EYA3: variants seen among roughly 807,000 people sequenced by gnomAD.
EYA3 encodes EYA transcriptional coactivator and phosphatase 3.
Under a neutral mutation model 80.0 loss-of-function variants are expected in EYA3, and 39 were observed. The observed-to-expected ratio is 0.49, with a 90% CI of 0.38 to 0.64. EYA3 has a LOEUF of 0.64. Ranked by LOEUF, EYA3 falls within the 30% of genes least tolerant of loss-of-function variation. EYA3 has a pLI of 0.00. For synonymous variants in EYA3, 206 were observed against 232.8 expected (o/e 0.88, Z 1.05); for missense variants, 523 against 676.1 (o/e 0.77, Z 2.51).
intron 17 of EYA3, 21 bp downstream of exon 17, chr1:27,978,353 A>G (rs201363340): frequency 1.3e-6 from 2 of 1,581,240 alleles, no homozygotes; most frequent in Non-Finnish European, 1.7e-6. Flanking sequence ...CACATAGACT[A>G]TTTTTCTTTA....
At chr1:28,018,565 T>G (rs1490669144) in intron 7 of EYA3, among the ~76,000 whole-genome samples, 1 of 152,142 alleles carries the variant, frequency 6.6e-6, no homozygotes, top group East Asian at 1.9e-4. Flanking sequence ...TAAGAAAACT[T>G]CCATTGAGAA....
intron 7 of EYA3, among the ~76,000 whole-genome samples, chr1:28,023,578 C>T (rs1274445656): frequency 1.3e-5 from 2 of 152,174 alleles, no homozygotes; most frequent in African/African-American, 2.4e-5. Context: ...GATAAATTCT[C>T]TAAGAGTGGG....
intron 1 of EYA3, among the ~76,000 whole-genome samples, chr1:28,071,997 C>A (rs1334592407): frequency 6.6e-6 from 1 of 152,122 alleles, no homozygotes; most frequent in Non-Finnish European, 1.5e-5. Flanking sequence ...CTGTACTAGT[C>A]TCTGCTTAGC....
intron 14 of EYA3, among the ~76,000 whole-genome samples, chr1:27,992,857 T>C (rs1640168962): frequency 6.6e-6 from 1 of 152,178 alleles, no homozygotes; most frequent in Non-Finnish European, 1.5e-5. Flanking sequence ...ATTCAAACAA[T>C]CTATGATTAA....
chr1:28,072,350 T>C (rs1325332392), intron 1 of EYA3, among the ~76,000 whole-genome samples: 2 of 152,096 alleles, frequency 1.3e-5, no homozygotes, highest in Admixed American at 6.5e-5. Flanking sequence ...TGGAATCTAG[T>C]AAACAGTAAT....
At chr1:28,036,426 A>G (rs528051797) in intron 5 of EYA3, among the ~76,000 whole-genome samples, 1 of 152,324 alleles carries the variant, frequency 6.6e-6, no homozygotes, top group East Asian at 1.9e-4. Flanking sequence ...AAGTTCTGAG[A>G]GGGAAAGTGA....
chr1:27,997,295 G>A (rs765476009), intron 13 of EYA3, 25 bp downstream of exon 13: 6 of 1,607,006 alleles, frequency 3.7e-6, no homozygotes, highest in Non-Finnish European at 5.1e-6. Context: ...GTGTACTGGT[G>A]TTCAAGAATC....
At chr1:27,992,657 G>A (rs886876251) in intron 14 of EYA3, among the ~76,000 whole-genome samples, 2 of 152,196 alleles carry the variant, frequency 1.3e-5, no homozygotes, top group African/African-American at 4.8e-5. Context: ...TCTCAAAAGA[G>A]TACCTCACTA....
intron 1 of EYA3, among the ~76,000 whole-genome samples, chr1:28,063,330 TG>T (rs147515295): frequency 8.9e-5 from 13 of 146,784 alleles, no homozygotes; most frequent in South Asian, 4.2e-4. Flanking sequence ...TAATTTTTTT[TG>T]GGGGGGGAAA....
chr1:28,031,350 G>A (rs1643127751), intron 6 of EYA3, among the ~76,000 whole-genome samples: 1 of 152,180 alleles, frequency 6.6e-6, no homozygotes. Context: ...ATTGCTCATA[G>A]TAAACAAGGA....
At chr1:28,070,929 T>C (rs1295622667) in intron 1 of EYA3, among the ~76,000 whole-genome samples, 1 of 152,180 alleles carries the variant, frequency 6.6e-6, no homozygotes, top group Non-Finnish European at 1.5e-5. Flanking sequence ...TATACTGTTT[T>C]TTGTTTGTTT....
chr1:28,076,138 T>C (rs1557650040), intron 1 of EYA3, among the ~76,000 whole-genome samples: 1 of 152,204 alleles, frequency 6.6e-6, no homozygotes, highest in Non-Finnish European at 1.5e-5. Flanking sequence ...CTGATGGGAC[T>C]TTCTGTAGAC....
At chr1:28,034,155 A>G (rs1643317463) in intron 6 of EYA3, among the ~76,000 whole-genome samples, 1 of 152,090 alleles carries the variant, frequency 6.6e-6, no homozygotes, top group African/African-American at 2.4e-5. Flanking sequence ...TAGGATCCAT[A>G]TGCACACAGA....
chr1:28,038,744 T>C, intron 5 of EYA3, 95 bp downstream of exon 5: 1 of 646,792 alleles, frequency 1.5e-6, no homozygotes, highest in Non-Finnish European at 2.5e-6. Context: ...AAAAATAATT[T>C]AAATATCTAT....
chr1:28,056,643 G>T (rs1394131773), intron 2 of EYA3, among the ~76,000 whole-genome samples: 2 of 152,190 alleles, frequency 1.3e-5, no homozygotes, highest in African/African-American at 4.8e-5. Context: ...TTTCTCTGAA[G>T]TAATAATCAG....
At chr1:28,078,058 A>T (rs2148948041) in intron 1 of EYA3, among the ~76,000 whole-genome samples, 1 of 152,334 alleles carries the variant, frequency 6.6e-6, no homozygotes, top group Non-Finnish European at 1.5e-5. Flanking sequence ...TCAAAACTCC[A>T]TCAGACAGGA....
intron 7 of EYA3, among the ~76,000 whole-genome samples, chr1:28,017,864 C>A (rs1411404100): frequency 6.6e-6 from 1 of 152,088 alleles, no homozygotes; most frequent in Non-Finnish European, 1.5e-5. Context: ...TTACTCTGGT[C>A]AGATAAAAAT....
chr1:28,014,711 G>T (rs1641927375), intron 8 of EYA3, among the ~76,000 whole-genome samples: 1 of 147,320 alleles, frequency 6.8e-6, no homozygotes, highest in Admixed American at 6.9e-5. Flanking sequence ...CTGGGCAACA[G>T]AGCAAGACTC....
At chr1:28,069,656 G>A (rs1644955749) in intron 1 of EYA3, among the ~76,000 whole-genome samples, 1 of 149,900 alleles carries the variant, frequency 6.7e-6, no homozygotes, top group South Asian at 2.2e-4. Flanking sequence ...GGGGGTAGAA[G>A]AGGAAGAGAG....
Sources: allele counts gnomAD v4.1 joint callset (sites outside exome capture counted in the v4.1 genomes callset), GRCh38; gene constraint gnomAD v4.1.1; transcripts MANE v1.5; gene names NCBI Gene and HGNC (gene_info 2026-07-23, HGNC 2026-07-21).